The following L3MBTL4 variants were observed in gnomAD, a reference collection of about 807,000 sequenced individuals.
The protein encoded by L3MBTL4 is lethal(3)malignant brain tumor-like protein 4.
L3MBTL4 carries 70 observed loss-of-function variants against 84.5 expected under a neutral mutation model. The ratio of observed to expected loss-of-function variants is 0.83; its 90% CI spans 0.68 to 1.01. The LOEUF (loss-of-function observed/expected upper bound fraction) is 1.01. L3MBTL4 is among the 50% of genes least tolerant of loss of function. L3MBTL4 has a pLI of 0.00. For missense variants in L3MBTL4, 715 were observed against 754.8 expected, an observed-to-expected ratio of 0.95 and a Z score of 0.62; for synonymous variants, 274 against 259.8, an observed-to-expected ratio of 1.05 and a Z score of -0.52.
At chr18:6,345,658 T>C (rs895886791) in intron 1 of L3MBTL4, among the ~76,000 whole-genome samples, 2 of 152,134 alleles carry the variant, frequency 1.3e-5, no homozygotes, top group African/African-American at 4.8e-5. Context: ...AAAACACTGA[T>C]GAAAGATATT....
intron 12 of L3MBTL4, among the ~76,000 whole-genome samples, chr18:6,195,297 A>C (rs2045324525): frequency 6.6e-6 from 1 of 152,170 alleles, no homozygotes; most frequent in South Asian, 2.1e-4. Flanking sequence ...GCAGGTTTGC[A>C]TTCAGCCACG....
chr18:6,114,343 C>A (rs1364050858), intron 14 of L3MBTL4, among the ~76,000 whole-genome samples: 5 of 152,228 alleles, frequency 3.3e-5, no homozygotes, highest in African/African-American at 4.8e-5. Context: ...AGGAAGCTTC[C>A]TGTCACGACT....
intron 4 of L3MBTL4, among the ~76,000 whole-genome samples, chr18:6,266,879 T>C (rs188651569): frequency 0.012 from 1,815 of 152,106 alleles, 33 homozygotes; most frequent in African/African-American, 0.04. Flanking sequence ...GTGAAGATCG[T>C]GCCATTGCAC....
intron 13 of L3MBTL4, among the ~76,000 whole-genome samples, chr18:6,145,624 T>C (rs1054539097): frequency 2.6e-4 from 39 of 151,952 alleles, no homozygotes; most frequent in Middle Eastern, 6.8e-3. Flanking sequence ...GACATTAGCA[T>C]TGGGTGATAA....
intron 15 of L3MBTL4, among the ~76,000 whole-genome samples, chr18:6,089,301 T>G (rs148903678): frequency 0.01 from 1,562 of 152,246 alleles, 26 homozygotes; most frequent in African/African-American, 0.029. Context: ...AGACGGACAT[T>G]TTGTATTATA....
chr18:6,004,178 C>T (rs1245849114), intron 16 of L3MBTL4, among the ~76,000 whole-genome samples: 2 of 151,922 alleles, frequency 1.3e-5, no homozygotes, highest in Admixed American at 6.6e-5. Flanking sequence ...ACTAAAATCA[C>T]AAATGAAAGT....
intron 10 of L3MBTL4, among the ~76,000 whole-genome samples, chr18:6,227,515 C>T (rs573077194): frequency 6.6e-6 from 1 of 152,270 alleles, no homozygotes; most frequent in African/African-American, 2.4e-5. Flanking sequence ...GCCCAGATGG[C>T]TTCACTTATG....
intron 16 of L3MBTL4, among the ~76,000 whole-genome samples, chr18:6,021,697 A>T (rs1037272904): frequency 6.6e-6 from 1 of 151,596 alleles, no homozygotes; most frequent in African/African-American, 2.4e-5. Context: ...ATATAGACAA[A>T]CGGAGGTAAG....
intron 13 of L3MBTL4, among the ~76,000 whole-genome samples, chr18:6,143,837 G>A (rs371721360): frequency 6.9e-6 from 1 of 144,906 alleles, no homozygotes; most frequent in East Asian, 1.9e-4. Context: ...CCTATTATCT[G>A]CCAGAACAGC....
At chr18:6,031,081 T>C (rs1256462541) in intron 16 of L3MBTL4, 1 of 985,338 alleles carries the variant, frequency 1.0e-6, no homozygotes, top group Admixed American at 6.1e-5. Flanking sequence ...CAATTATTAA[T>C]TATAGGAAGC....
chr18:6,244,701 G>A (rs1178109643), intron 5 of L3MBTL4, 113 bp from the exon 6 acceptor site: 4 of 736,614 alleles, frequency 5.4e-6, no homozygotes, highest in Non-Finnish European at 2.3e-6. Context: ...CATAGAAACA[G>A]AGAGTAGAAT....
intron 5 of L3MBTL4, among the ~76,000 whole-genome samples, chr18:6,255,063 C>A (rs529902302): frequency 6.6e-6 from 1 of 152,344 alleles, no homozygotes; most frequent in African/African-American, 2.4e-5. Flanking sequence ...TTCCACAAAT[C>A]CTGAGTCTAG....
In L3MBTL4 at chr18:6,330,618, A is replaced by T. The variant is rs138106766; in HGVS notation, c.-90-18562T>A. On this transcript the variant is annotated intron_variant, in intron 1 of 18. Transcript: ENST00000317931. ...GATCAGCAACCTTCATTTCATTGGCAACCTTATTTCCACCTTTCCATACAA... is the reference window on the plus strand; with the variant it reads ...GATCAGCAACCTTCATTTCATTGGCTACCTTATTTCCACCTTTCCATACAA... 3.9e-5 allele frequency among the ~76,000 whole-genome samples: 6 copies of T among 152,346 alleles called. No homozygotes were observed. The East Asian group carries it at 9.6e-4, about 24-fold the overall frequency.
At chr18:6,219,702 A>T (rs931829062) in intron 10 of L3MBTL4, among the ~76,000 whole-genome samples, 4 of 152,032 alleles carry the variant, frequency 2.6e-5, no homozygotes, top group Non-Finnish European at 5.9e-5. Flanking sequence ...ATTAAAAATC[A>T]TCTGGATGGT....
intron 13 of L3MBTL4, 39 bp downstream of exon 13, chr18:6,171,788 CA>C: frequency 1.6e-6 from 2 of 1,216,120 alleles, no homozygotes; most frequent in Non-Finnish European, 2.3e-6. Flanking sequence ...GAAATCAGGC[CA>C]AGTATTTAAA....
chr18:6,332,617 T>C (rs1045211318), intron 1 of L3MBTL4, among the ~76,000 whole-genome samples: 5 of 152,190 alleles, frequency 3.3e-5, no homozygotes, highest in South Asian at 4.2e-4. Flanking sequence ...ACTGTTAGAT[T>C]CATAGAATGT....
At chr18:6,209,584 G>T (rs1278812503) in intron 12 of L3MBTL4, among the ~76,000 whole-genome samples, 3 of 152,050 alleles carry the variant, frequency 2.0e-5, no homozygotes, top group African/African-American at 7.2e-5. Flanking sequence ...AAAACATTTT[G>T]GCTTTTCCTC....
At chr18:6,127,538 G>A (rs2059733915) in intron 14 of L3MBTL4, among the ~76,000 whole-genome samples, 1 of 152,220 alleles carries the variant, frequency 6.6e-6, no homozygotes, top group Admixed American at 6.5e-5. Context: ...AGAATACATA[G>A]CAGATTGGAA....
intron 1 of L3MBTL4, among the ~76,000 whole-genome samples, chr18:6,349,007 T>C (rs1048417504): frequency 2.0e-5 from 3 of 152,186 alleles, no homozygotes; most frequent in African/African-American, 7.2e-5. Context: ...AGTTACACCA[T>C]TACACAGCCA....
Sources: allele counts gnomAD v4.1 joint callset (sites outside exome capture counted in the v4.1 genomes callset), GRCh38; gene constraint gnomAD v4.1.1; transcripts MANE v1.5; gene names NCBI Gene and HGNC (gene_info 2026-07-23, HGNC 2026-07-21).